ARHGEF3: variants seen among roughly 807,000 people sequenced by gnomAD.
ARHGEF3 encodes the protein 59.8 kDA protein.
In ARHGEF3, 28 loss-of-function variants were observed where a neutral mutation model predicts 63.2. That is an observed-to-expected ratio of 0.44 (90% confidence interval 0.33 to 0.61). The LOEUF is 0.61. Ranked by LOEUF, ARHGEF3 falls within the 20% of genes least tolerant of loss-of-function variation. The probability of loss-of-function intolerance (pLI) is 0.03; values close to 1 mark genes in which losing one functional copy is unlikely to be tolerated. For synonymous variants in ARHGEF3, 266 were observed against 254.2 expected, an observed-to-expected ratio of 1.05 and a Z score of -0.44; for missense variants, 533 against 659.3, an observed-to-expected ratio of 0.81 and a Z score of 2.10.
At chr3:56,857,956 G>T (rs2039941855) in intron 4 of ARHGEF3, among the ~76,000 whole-genome samples, 2 of 152,064 alleles carry the variant, frequency 1.3e-5, no homozygotes, top group South Asian at 2.1e-4. Flanking sequence ...ATTACATTTT[G>T]AAAGTTTCTT....
At chr3:56,994,018 C>A (rs1319217284) in intron 2 of ARHGEF3, among the ~76,000 whole-genome samples, 3 of 134,636 alleles carry the variant, frequency 2.2e-5, no homozygotes, top group African/African-American at 8.5e-5. Context: ...GAGCCGAGAT[C>A]GCGCCATTGC....
chr3:56,753,414 C>G lies in ARHGEF3; in HGVS notation c.438+90G>C, dbSNP rs142538717. 208 of 1,109,452 alleles carry G rather than the reference C, an allele frequency of 1.9e-4. No individual in the cohort carries two copies. In the African/African-American group the frequency reaches 2.7e-3, roughly 14 times the overall value. The allele number at this position is 1,109,452 out of a possible 1,614,324, so 68.7% of individuals were successfully genotyped here. ...AGCAGACCAGTCTTAGTCATAAAGA[C>G]AGTTCTCACGAAGCACCACTTTAGG... On this transcript the variant is annotated intron_variant, in intron 4 of 9. Coordinates refer to ENST00000296315, the MANE Select transcript of ARHGEF3 (RefSeq NM_019555.3).
chr3:56,935,788 T>C (rs966002630), intron 3 of ARHGEF3, among the ~76,000 whole-genome samples: 1 of 152,226 alleles, frequency 6.6e-6, no homozygotes, highest in Non-Finnish European at 1.5e-5. Context: ...CGTGGCTTCA[T>C]TCTTGAAGTC....
chr3:56,840,258 A>G (rs2039266891), intron 4 of ARHGEF3, among the ~76,000 whole-genome samples: 3 of 152,152 alleles, frequency 2.0e-5, no homozygotes, highest in Admixed American at 2.0e-4. Flanking sequence ...AAACACCCCC[A>G]TTTAGGGGAC....
At chr3:56,969,464 T>G (rs894889861) in intron 2 of ARHGEF3, among the ~76,000 whole-genome samples, 1 of 152,108 alleles carries the variant, frequency 6.6e-6, no homozygotes, top group Non-Finnish European at 1.5e-5. Flanking sequence ...GGTATTATAA[T>G]AACCCTATTG....
intron 2 of ARHGEF3, among the ~76,000 whole-genome samples, chr3:56,980,540 C>CTACCTTA (rs1701287562): frequency 6.6e-6 from 1 of 152,142 alleles, no homozygotes; most frequent in African/African-American, 2.4e-5. Flanking sequence ...GGAATAATCA[C>CTACCTTA]GTTATCTACC....
At chr3:56,985,044 G>C (rs534496253) in intron 2 of ARHGEF3, among the ~76,000 whole-genome samples, 2 of 152,286 alleles carry the variant, frequency 1.3e-5, no homozygotes, top group East Asian at 3.9e-4. Context: ...TGCTTCTGAA[G>C]AAAAGCAAAG....
chr3:56,768,802 T>G (rs923206914), intron 2 of ARHGEF3, among the ~76,000 whole-genome samples: 1 of 152,148 alleles, frequency 6.6e-6, no homozygotes, highest in African/African-American at 2.4e-5. Flanking sequence ...ATATGAACAT[T>G]TGTGCACCTA....
At chr3:56,973,239 G>C (rs569817110) in intron 2 of ARHGEF3, among the ~76,000 whole-genome samples, 15 of 152,022 alleles carry the variant, frequency 9.9e-5, no homozygotes, top group Non-Finnish European at 2.2e-4. Context: ...GGCTGGTCTC[G>C]ATCTCCTGAC....
chr3:56,757,211 G>T (rs922238822), intron 2 of ARHGEF3, among the ~76,000 whole-genome samples: 1 of 152,174 alleles, frequency 6.6e-6, no homozygotes, highest in East Asian at 1.9e-4. Context: ...AGTGGCTCAC[G>T]CCTGTAATCC....
intron 2 of ARHGEF3, 54 bp downstream of exon 2, chr3:56,773,655 C>G: frequency 7.0e-7 from 1 of 1,434,662 alleles, no homozygotes; most frequent in Non-Finnish European, 9.4e-7. Context: ...TGGGGATGTT[C>G]CTTCCCGTAC....
At chr3:57,004,868 G>A (rs1431953095) in intron 2 of ARHGEF3, among the ~76,000 whole-genome samples, 1 of 152,156 alleles carries the variant, frequency 6.6e-6, no homozygotes, top group Non-Finnish European at 1.5e-5. Flanking sequence ...GCTGAGACAG[G>A]TGGATCACTT....
At chr3:56,793,420 C>T (rs569206060) in intron 1 of ARHGEF3, among the ~76,000 whole-genome samples, 2 of 152,312 alleles carry the variant, frequency 1.3e-5, no homozygotes, top group Admixed American at 6.5e-5. Context: ...CCGCTCGCCT[C>T]GGCTGCCCAA....
chr3:56,766,899 A>C (rs535329861), intron 2 of ARHGEF3, among the ~76,000 whole-genome samples: 68 of 152,384 alleles, frequency 4.5e-4, no homozygotes, highest in South Asian at 1.0e-3. Context: ...CATGATCAGG[A>C]TGTTGAAAGC....
At chr3:56,954,461 C>A (rs576882302) in intron 3 of ARHGEF3, among the ~76,000 whole-genome samples, 1 of 152,172 alleles carries the variant, frequency 6.6e-6, no homozygotes, top group Non-Finnish European at 1.5e-5. Flanking sequence ...GCGAGACACC[C>A]CCCAGGGTTC....
At chr3:56,831,047 C>G (rs1409087670) in intron 4 of ARHGEF3, among the ~76,000 whole-genome samples, 1 of 152,234 alleles carries the variant, frequency 6.6e-6, no homozygotes, top group African/African-American at 2.4e-5. Flanking sequence ...TCTGTGAAGA[C>G]AGAGATCTTG....
chr3:56,989,725 A>C (rs1471992520), intron 2 of ARHGEF3, among the ~76,000 whole-genome samples: 1 of 151,658 alleles, frequency 6.6e-6, no homozygotes, highest in Non-Finnish European at 1.5e-5. Flanking sequence ...CCCCTGCCCC[A>C]CTCCCTAGGA....
chr3:56,993,645 G>A (rs1012329319), intron 2 of ARHGEF3, among the ~76,000 whole-genome samples: 2 of 152,010 alleles, frequency 1.3e-5, no homozygotes, highest in South Asian at 2.1e-4. Context: ...AAAGTGCTGG[G>A]ATTACAGGCA....
At chr3:56,985,085 ATGATT>A (rs5849177) in intron 2 of ARHGEF3, among the ~76,000 whole-genome samples, 35,729 of 152,040 alleles carry the variant, frequency 0.23, 4,356 homozygotes, top group Middle Eastern at 0.38. Flanking sequence ...ACAGAAACAC[ATGATT>A]TGATTTGATT....
Sources: gnomAD v4.1 joint callset for allele counts (sites outside exome capture counted in the v4.1 genomes callset) on GRCh38, gnomAD v4.1.1 for gene constraint, MANE v1.5 for transcripts, NCBI Gene and HGNC (gene_info 2026-07-23, HGNC 2026-07-21) for gene names.